The following THRB variants were observed in gnomAD, a reference collection of about 807,000 sequenced individuals.
THRB encodes the protein thyroid hormone receptor beta, also known as nuclear receptor subfamily 1 group A member 2.
A neutral mutation model predicts 47.8 loss-of-function variants in THRB; 12 were observed. The ratio of observed to expected loss-of-function variants is 0.25; its 90% CI spans 0.16 to 0.41. THRB has a LOEUF of 0.41. THRB is among the 10% of genes least tolerant of loss of function. THRB has a pLI of 1.00. For synonymous variants in THRB, 218 were observed against 212.2 expected, an observed-to-expected ratio of 1.03 and a Z score of -0.24; for missense variants, 348 against 589.2, an observed-to-expected ratio of 0.59 and a Z score of 4.24.
chr3:24,319,285 C>A (rs1245515034), intron 2 of THRB, among the ~76,000 whole-genome samples: 1 of 152,048 alleles, frequency 6.6e-6, no homozygotes, highest in African/African-American at 2.4e-5. Context: ...GATATGTCCA[C>A]CAAAAGACAG....
intron 4 of THRB, among the ~76,000 whole-genome samples, chr3:24,221,552 A>G (rs2150008463): frequency 6.6e-6 from 1 of 152,202 alleles, no homozygotes; most frequent in East Asian, 1.9e-4. Context: ...TGGTGTGATG[A>G]TGATTGTGGT....
At chr3:24,357,360 A>AAAC (rs1553726634) in intron 1 of THRB, among the ~76,000 whole-genome samples, 9 of 147,348 alleles carry the variant, frequency 6.1e-5, no homozygotes, top group Non-Finnish European at 1.3e-4. Flanking sequence ...AAAAAAAAAA[A>AAAC]AAAAAAAAAA....
intron 1 of THRB, among the ~76,000 whole-genome samples, chr3:24,446,175 T>C (rs1212581720): frequency 6.6e-6 from 1 of 152,212 alleles, no homozygotes. Context: ...ACACTGGTCA[T>C]GACCTTCTAA....
chr3:24,309,252 C>T (rs2057575595), intron 2 of THRB, among the ~76,000 whole-genome samples: 1 of 152,164 alleles, frequency 6.6e-6, no homozygotes, highest in Admixed American at 6.5e-5. Context: ...TACATTGATT[C>T]ATGCACACAC....
chr3:24,449,858 A>G (rs370173301), intron 1 of THRB, among the ~76,000 whole-genome samples: 51 of 152,344 alleles, frequency 3.3e-4, no homozygotes, highest in South Asian at 1.9e-3. Context: ...GAAGATACTA[A>G]CTTGGCTCTT....
intron 3 of THRB, among the ~76,000 whole-genome samples, chr3:24,276,345 G>C (rs1325696947): frequency 6.6e-6 from 1 of 152,156 alleles, no homozygotes; most frequent in Non-Finnish European, 1.5e-5. Context: ...ACTTAATCGT[G>C]AATGCATTCA....
intron 3 of THRB, among the ~76,000 whole-genome samples, chr3:24,285,085 T>C (rs533885000): frequency 3.0e-4 from 46 of 151,986 alleles, no homozygotes; most frequent in African/African-American, 1.1e-3. Flanking sequence ...TTACTGGGTA[T>C]ATACCCAAAG....
intron 1 of THRB, among the ~76,000 whole-genome samples, chr3:24,413,534 C>T (rs1318101478): frequency 6.6e-6 from 1 of 151,730 alleles, no homozygotes; most frequent in Non-Finnish European, 1.5e-5. Context: ...AAATTAAAAA[C>T]ATTGACCTAT....
At chr3:24,149,600 A>G (rs189767667) in intron 6 of THRB, among the ~76,000 whole-genome samples, 79 of 152,334 alleles carry the variant, frequency 5.2e-4, no homozygotes, top group African/African-American at 1.8e-3. Flanking sequence ...TCTGTGGCCT[A>G]TCTCTGATGA....
At chr3:24,448,020 A>G (rs1459013663) in intron 1 of THRB, among the ~76,000 whole-genome samples, 1 of 152,052 alleles carries the variant, frequency 6.6e-6, no homozygotes, top group Non-Finnish European at 1.5e-5. Context: ...TGAAACCTGT[A>G]GCGATCTTGT....
chr3:24,354,285 C>T (rs1416606639), intron 1 of THRB, among the ~76,000 whole-genome samples: 1 of 151,976 alleles, frequency 6.6e-6, no homozygotes, highest in African/African-American at 2.4e-5. Flanking sequence ...AGGCTTAATA[C>T]CTGGGTGATG....
At chr3:24,378,243 G>C (rs745924917) in intron 1 of THRB, among the ~76,000 whole-genome samples, 2 of 152,136 alleles carry the variant, frequency 1.3e-5, no homozygotes, top group Non-Finnish European at 2.9e-5. Flanking sequence ...GATTATTTAA[G>C]ATTGATATGA....
chr3:24,219,919 G>T (rs568459254), intron 4 of THRB, among the ~76,000 whole-genome samples: 1 of 152,156 alleles, frequency 6.6e-6, no homozygotes, highest in African/African-American at 2.4e-5. Context: ...CACCAGATGC[G>T]TAGCGGAATC....
intron 1 of THRB, among the ~76,000 whole-genome samples, chr3:24,448,326 T>G (rs2072308027): frequency 6.6e-6 from 1 of 152,164 alleles, no homozygotes; most frequent in Non-Finnish European, 1.5e-5. Flanking sequence ...TTTTAAAAAA[T>G]CTTTTAAAAG....
intron 3 of THRB, among the ~76,000 whole-genome samples, chr3:24,284,556 T>G (rs9755195): frequency 0.047 from 6,985 of 149,384 alleles, 501 homozygotes; most frequent in African/African-American, 0.15. Flanking sequence ...AAAAGCAATG[T>G]CAACAAAAGC....
chr3:24,214,084 G>T (rs7612994), intron 4 of THRB, among the ~76,000 whole-genome samples: 5,185 of 152,260 alleles, frequency 0.034, 283 homozygotes, highest in African/African-American at 0.12. Flanking sequence ...CCGTTTCACA[G>T]GTAAAGAAAC....
Position 24,181,207 on chromosome 3 carries a change from T to C in THRB, c.283+8867A>G, listed in dbSNP as rs571074343. Among the ~76,000 whole-genome samples the C allele has an allele frequency of 1.4e-4, 22 of 152,364 alleles. No homozygotes were observed. In the South Asian group the frequency reaches 3.1e-3, roughly 21 times the overall value. On this transcript the variant is annotated intron_variant, in intron 5 of 10. Coordinates refer to ENST00000646209, the MANE Select transcript of THRB (RefSeq NM_001354712.2). ...ATAGCTTGTTTTAGGGGGCTGGTAA[T>C]GATTTAATATATTTTTCCTTGTCTT...
intron 5 of THRB, among the ~76,000 whole-genome samples, chr3:24,179,108 G>A (rs550486605): frequency 4.4e-4 from 67 of 152,278 alleles, no homozygotes; most frequent in African/African-American, 1.6e-3. Flanking sequence ...AATTGGTGGT[G>A]GCCTCTCCCA....
At chr3:24,368,161 A>C (rs1178518631) in intron 1 of THRB, among the ~76,000 whole-genome samples, 1 of 152,114 alleles carries the variant, frequency 6.6e-6, no homozygotes, top group South Asian at 2.1e-4. Context: ...AAGGTAACTA[A>C]AAGAATTATA....
Sources: allele counts gnomAD v4.1 joint callset (sites outside exome capture counted in the v4.1 genomes callset), GRCh38; gene constraint gnomAD v4.1.1; transcripts MANE v1.5; gene names NCBI Gene and HGNC (gene_info 2026-07-23, HGNC 2026-07-21).